MAPKAPK5: variants seen among roughly 807,000 people sequenced by gnomAD.
MAPKAPK5 encodes the protein MAP kinase-activated protein kinase 5.
In MAPKAPK5, 30 loss-of-function variants were observed where a neutral mutation model predicts 65.1. The ratio of observed to expected loss-of-function variants is 0.46; its 90% CI spans 0.34 to 0.63. The LOEUF (loss-of-function observed/expected upper bound fraction) is 0.63, where lower values mean the gene tolerates loss of function less well. Ranked by LOEUF, MAPKAPK5 falls within the 20% of genes least tolerant of loss-of-function variation. The pLI, the probability that MAPKAPK5 is intolerant of heterozygous loss-of-function variation, is 0.01. For synonymous variants in MAPKAPK5, 179 were observed against 204.6 expected (o/e 0.87, Z 1.07); for missense variants, 433 against 581.4 (o/e 0.74, Z 2.63).
intron 4 of MAPKAPK5, among the ~76,000 whole-genome samples, chr12:111,868,210 AT>A (rs2069672300): frequency 6.6e-6 from 1 of 152,238 alleles, no homozygotes; most frequent in Non-Finnish European, 1.5e-5. Flanking sequence ...CTTTGTTAAA[AT>A]TCAAAATTAA....
rs2070691609 is a variant in MAPKAPK5, at chr12:111,893,341, A to G, written c.*280A>G. ...TATTGTTTTATTTGTAATAAAATATACAAAAATCACTTGCCAGCAGTAGAA... is the reference window on the plus strand; with the variant it reads ...TATTGTTTTATTTGTAATAAAATATGCAAAAATCACTTGCCAGCAGTAGAA... On this transcript the variant is annotated 3_prime_UTR_variant, in exon 14 of 14. Transcript: ENST00000550735. 5.8e-6 allele frequency: 1 copy of G among 172,868 alleles called. No homozygotes were observed. Among genetic ancestry groups the G allele is most frequent in the South Asian group, 1.5e-4 (1 of 6,570 alleles). The allele number at this position is 172,868 out of a possible 1,614,324, so 10.7% of individuals were successfully genotyped here. A position where few individuals can be genotyped will look rare whatever the true frequency, so the allele number is the denominator to read the frequency against.
At chr12:111,875,991 A>G (rs7297883) in intron 7 of MAPKAPK5, among the ~76,000 whole-genome samples, 29,624 of 151,792 alleles carry the variant, frequency 0.2, 3,102 homozygotes, top group Middle Eastern at 0.27. Flanking sequence ...GGATCACTTG[A>G]GGTCAGGGGT....
chr12:111,872,496 C>T (rs1293845861), intron 7 of MAPKAPK5, among the ~76,000 whole-genome samples: 1 of 152,146 alleles, frequency 6.6e-6, no homozygotes, highest in Non-Finnish European at 1.5e-5. Context: ...TTAAAATATT[C>T]TGGACACAGG....
intron 1 of MAPKAPK5, among the ~76,000 whole-genome samples, chr12:111,863,646 G>A (rs1388958664): frequency 6.8e-6 from 1 of 146,062 alleles, no homozygotes; most frequent in African/African-American, 2.5e-5. Context: ...TGCTCTTGTC[G>A]CCCATGCTGG....
At chr12:111,867,466 T>G (rs2069650968) in intron 3 of MAPKAPK5, 106 bp from the exon 4 acceptor site, 1 of 722,430 alleles carries the variant, frequency 1.4e-6, no homozygotes, top group Non-Finnish European at 2.4e-6. Flanking sequence ...TCATTCTAAG[T>G]GATAAAGTTT....
chr12:111,866,170 A>C lies in MAPKAPK5; in HGVS notation c.125A>C (p.Lys42Thr), dbSNP rs2069604244. Reference sequence around the variant, plus strand: ...TCCAAATCTAGAGTCTGTGTAAAGAAATCTACTCAAGAACGGTTTGCGCTG... The same window carrying C: ...TCCAAATCTAGAGTCTGTGTAAAGACATCTACTCAAGAACGGTTTGCGCTG... The part of the protein sequence containing the change: ...ISGPVRVCVK[K>T]STQERFALKI... Residue 42 changes from lysine to threonine, a missense_variant, in exon 3 of 14, where the codon AAA becomes ACA. Lys to Thr is a moderately conservative substitution (Grantham distance 78, BLOSUM62 -1). Around this residue, in one of 3 missense-constraint regions of MAPKAPK5, gnomAD observed 165 missense variants for 180.0 expected, o/e 0.92. Transcript: ENST00000550735. 1 of 1,611,244 alleles carries C rather than the reference A, an allele frequency of 6.2e-7. No homozygotes were observed. The highest frequency in any genetic ancestry group is 1.3e-5 in the African/African-American group (1 of 74,998).
At chr12:111,871,532 A>T (rs1460329054) in intron 7 of MAPKAPK5, among the ~76,000 whole-genome samples, 1 of 152,046 alleles carries the variant, frequency 6.6e-6, no homozygotes, top group African/African-American at 2.4e-5. Context: ...AATTCGTGCT[A>T]CTCAGGAGGC....
intron 10 of MAPKAPK5, among the ~76,000 whole-genome samples, chr12:111,887,314 A>G (rs2070436086): frequency 6.6e-6 from 1 of 152,190 alleles, no homozygotes; most frequent in Non-Finnish European, 1.5e-5. Context: ...TGGTCATTCA[A>G]AAATCCAAAG....
intron 13 of MAPKAPK5, among the ~76,000 whole-genome samples, chr12:111,891,085 G>A (rs1446515575): frequency 6.6e-6 from 1 of 151,786 alleles, no homozygotes; most frequent in Non-Finnish European, 1.5e-5. Flanking sequence ...TTTTGTTGTT[G>A]TTGTTTTTTG....
intron 1 of MAPKAPK5, among the ~76,000 whole-genome samples, chr12:111,863,405 A>G (rs934194370): frequency 1.3e-5 from 2 of 152,150 alleles, no homozygotes; most frequent in African/African-American, 2.4e-5. Flanking sequence ...GTGGAGATGA[A>G]GACTTTCCAA....
intron 1 of MAPKAPK5, among the ~76,000 whole-genome samples, chr12:111,851,145 G>T (rs902049068): frequency 7.9e-5 from 12 of 152,150 alleles, no homozygotes; most frequent in African/African-American, 2.9e-4. Context: ...TGATCCGCCT[G>T]CCTCGGCCTC....
intron 13 of MAPKAPK5, among the ~76,000 whole-genome samples, chr12:111,891,691 C>T (rs2070616362): frequency 6.7e-6 from 1 of 149,496 alleles, no homozygotes; most frequent in Non-Finnish European, 1.5e-5. Flanking sequence ...CCTGTAGTTC[C>T]AGCTACTCAG....
intron 1 of MAPKAPK5, 32 bp from the exon 2 acceptor site, chr12:111,865,218 T>A: frequency 1.4e-6 from 2 of 1,391,254 alleles, no homozygotes; most frequent in Non-Finnish European, 2.0e-6. Flanking sequence ...GAGGAATCAT[T>A]CTCTGTCCTC....
intron 1 of MAPKAPK5, among the ~76,000 whole-genome samples, chr12:111,858,557 T>TC (rs1482709196): frequency 1.3e-5 from 2 of 151,008 alleles, no homozygotes; most frequent in African/African-American, 4.9e-5. Context: ...TTTTTTTTTT[T>TC]TTCCAAAACG....
At chr12:111,870,126 A>G (rs1022112132) in intron 5 of MAPKAPK5, 145 bp from the exon 6 acceptor site, 12 of 467,520 alleles carry the variant, frequency 2.6e-5, no homozygotes, top group Non-Finnish European at 4.7e-5. Context: ...TGGTATTCCA[A>G]GTTTTTCTTA....
At chr12:111,884,785 T>C (rs932520328) in intron 9 of MAPKAPK5, among the ~76,000 whole-genome samples, 1 of 152,144 alleles carries the variant, frequency 6.6e-6, no homozygotes, top group African/African-American at 2.4e-5. Context: ...TGAAGGTACA[T>C]GTTTAGGGGC....
intron 2 of MAPKAPK5, 119 bp downstream of exon 2, chr12:111,865,442 T>C: frequency 1.4e-6 from 1 of 707,920 alleles, no homozygotes; most frequent in Non-Finnish European, 2.5e-6. Context: ...AGGAATAGGC[T>C]GAATTTAACA....
rs751939965 is a variant in MAPKAPK5 at position 111,844,176 on chromosome 12, CCTT to C, written c.36+1411_36+1413del. 6.0e-5 allele frequency among the ~76,000 whole-genome samples: 9 copies of C among 150,944 alleles called. No homozygotes were observed. In the South Asian group the frequency reaches 8.4e-4, roughly 14 times the overall value. ...ATTCTAAAAGACTGCCTTGACATATCCTTCTTTTGTTTTGGGTTTTGTTTTTTT... is the reference window on the plus strand; with the variant it reads ...ATTCTAAAAGACTGCCTTGACATATCCTTTTGTTTTGGGTTTTGTTTTTTT... On this transcript the variant is annotated intron_variant, in intron 1 of 13. Transcript: ENST00000550735.
chr12:111,887,504 C>T (rs2070441857), intron 10 of MAPKAPK5: 1 of 152,158 alleles, frequency 6.6e-6, no homozygotes, highest in South Asian at 2.1e-4. Flanking sequence ...GAAACCCCAT[C>T]TCTACTGAAA....
Sources: allele counts gnomAD v4.1 joint callset (sites outside exome capture counted in the v4.1 genomes callset), GRCh38; gene constraint gnomAD v4.1.1; regional missense constraint gnomAD v4.1.1; transcripts MANE v1.5; gene names NCBI Gene and HGNC (gene_info 2026-07-23, HGNC 2026-07-21).